FOXK2: variants seen among roughly 807,000 people sequenced by gnomAD.
The protein encoded by FOXK2 is forkhead box protein K2.
Under a neutral mutation model 53.3 loss-of-function variants are expected in FOXK2, and 24 were observed. The ratio of observed to expected loss-of-function variants is 0.45; its 90% CI spans 0.33 to 0.63. The LOEUF (loss-of-function observed/expected upper bound fraction) is 0.63, where lower values mean the gene tolerates loss of function less well. FOXK2 is among the 30% of genes least tolerant of loss of function. The pLI, the probability that FOXK2 is intolerant of heterozygous loss-of-function variation, is 0.03. For missense variants in FOXK2, 952 were observed against 910.5 expected (o/e 1.05, Z -0.59); for synonymous variants, 505 against 407.1 (o/e 1.24, Z -2.89).
At chr17:82,585,674 T>C (rs1306601712) in intron 6 of FOXK2, among the ~76,000 whole-genome samples, 1 of 152,144 alleles carries the variant, frequency 6.6e-6, no homozygotes, top group Non-Finnish European at 1.5e-5. Context: ...ACCAGATATC[T>C]AAATAGAGCC....
At chr17:82,582,997 G>T in intron 5 of FOXK2, 63 bp downstream of exon 5, 6 of 1,245,640 alleles carry the variant, frequency 4.8e-6, no homozygotes, top group Non-Finnish European at 6.4e-6. Flanking sequence ...TCAGTGTATT[G>T]GGAAAATTTC....
rs1340822400 is a variant in FOXK2 at position 82,602,226 on chromosome 17, T to C, written c.*727T>C. The C allele has an allele frequency of 1.3e-5, 2 of 152,180 alleles. No individual in the cohort carries two copies. The highest frequency in any genetic ancestry group is 6.5e-5 in the Admixed American group (1 of 15,274). 9.4% of individuals were successfully genotyped at this position (152,180 alleles called of 1,614,324 possible). On this transcript the variant is annotated 3_prime_UTR_variant, in exon 9 of 9. Coordinates refer to ENST00000335255, the MANE Select transcript of FOXK2 (RefSeq NM_004514.4). The stretch of plus-strand genomic sequence containing the variant: ...CAGGTGGACGGACGCTGTGGCCGCA[T>C]GGAACCTTGAGAACCCAGGGACGAG...
At position 82,602,759 on chromosome 17, in the gene FOXK2, G is replaced by C. The variant is rs1042267910; in HGVS notation, c.*1260G>C. ...GAGTGGGAGGTCCCTGCACCTCCTC[G>C]CCCGGCTCCTCAGGAAGAAAACCGC... On this transcript the variant is annotated 3_prime_UTR_variant, in exon 9 of 9. Coordinates refer to ENST00000335255, the MANE Select transcript of FOXK2 (RefSeq NM_004514.4). The C allele has an allele frequency of 1.3e-5, 2 of 152,256 alleles. No homozygotes were observed. Among genetic ancestry groups the C allele is most frequent in the African/African-American group, 4.8e-5 (2 of 41,474 alleles). The allele number at this position is 152,256 out of a possible 1,614,324, so 9.4% of individuals were successfully genotyped here.
rs551353926 is a variant in FOXK2, at chr17:82,552,482, C to T, written c.420-10872C>T. 5.3e-4 allele frequency among the ~76,000 whole-genome samples: 81 copies of T among 152,300 alleles called. 1 individual carries two copies. Among genetic ancestry groups the T allele is most frequent in the African/African-American group, 1.9e-3 (78 of 41,552 alleles). ...CGCTCCTGCCCTTCACTGATAGGCCCTGTGTCACACTGAACCCTCCTGTCG... is the reference window on the plus strand; with the variant it reads ...CGCTCCTGCCCTTCACTGATAGGCCTTGTGTCACACTGAACCCTCCTGTCG... On this transcript the variant is annotated intron_variant, in intron 1 of 8. Transcript: ENST00000335255.
In FOXK2 at chr17:82,584,305, A is replaced by T. The variant is rs920874649; in HGVS notation, c.1279+117A>T. On this transcript the variant is annotated intron_variant, in intron 6 of 8. Transcript: ENST00000335255. Reference sequence around the variant, plus strand: ...GCCTGCCTGTCCCTCTGTACCTTATACTAGTACCTGATTTTATAGGCCTTG... The same window carrying T: ...GCCTGCCTGTCCCTCTGTACCTTATTCTAGTACCTGATTTTATAGGCCTTG... 4.7e-6 allele frequency: 5 copies of T among 1,061,660 alleles called. No homozygotes were observed. The African/African-American group carries it at 4.8e-5, about 10-fold the overall frequency. The allele number at this position is 1,061,660 out of a possible 1,614,324, so 65.8% of individuals were successfully genotyped here.
chr17:82,593,131 G>T (rs1280392156), intron 8 of FOXK2, among the ~76,000 whole-genome samples: 2 of 150,732 alleles, frequency 1.3e-5, no homozygotes, highest in Non-Finnish European at 3.0e-5. Context: ...AGCAGACCCC[G>T]TGAAGGTCTC....
At chr17:82,562,455 C>T (rs753421944) in intron 1 of FOXK2, among the ~76,000 whole-genome samples, 1 of 152,108 alleles carries the variant, frequency 6.6e-6, no homozygotes, top group Non-Finnish European at 1.5e-5. Context: ...TAGTGCATGC[C>T]TGTAATCCCA....
intron 4 of FOXK2, among the ~76,000 whole-genome samples, chr17:82,579,423 GTT>G (rs1387126588): frequency 6.6e-5 from 10 of 152,184 alleles, no homozygotes; most frequent in African/African-American, 2.2e-4. Flanking sequence ...CCTATAAACA[GTT>G]TCACAAATCC....
intron 7 of FOXK2, 25 bp downstream of exon 7, chr17:82,586,225 G>A (rs758671501): frequency 4.3e-5 from 54 of 1,265,442 alleles, no homozygotes; most frequent in African/African-American, 4.7e-5. Flanking sequence ...AAGGAGGAGA[G>A]GGGAGACCAC....
chr17:82,596,141 G>A, intron 8 of FOXK2: 2 of 1,023,812 alleles, frequency 2.0e-6, no homozygotes, highest in Non-Finnish European at 2.3e-6. Flanking sequence ...CGATTGCAGG[G>A]AGGAGCATCT....
At chr17:82,590,890 A>G (rs1241544289) in intron 8 of FOXK2, among the ~76,000 whole-genome samples, 1 of 152,196 alleles carries the variant, frequency 6.6e-6, no homozygotes, top group African/African-American at 2.4e-5. Context: ...CAGGGGTACC[A>G]GAGGGCTCAG....
At chr17:82,601,215 T>G in intron 8 of FOXK2, 88 bp from the exon 9 acceptor site, 1 of 1,384,216 alleles carries the variant, frequency 7.2e-7, no homozygotes, top group South Asian at 1.3e-5. Flanking sequence ...GGGTTCTGAC[T>G]CGCGAGGGTT....
intron 1 of FOXK2, among the ~76,000 whole-genome samples, chr17:82,551,357 G>A (rs1257459805): frequency 6.6e-6 from 1 of 150,422 alleles, no homozygotes; most frequent in African/African-American, 2.4e-5. Flanking sequence ...AAACATGATG[G>A]CATGTCATGA....
chr17:82,548,097 T>C (rs2044644131), intron 1 of FOXK2, among the ~76,000 whole-genome samples: 1 of 152,222 alleles, frequency 6.6e-6, no homozygotes, highest in East Asian at 1.9e-4. Flanking sequence ...AACGTCTGTG[T>C]AGGAGTCACA....
At chr17:82,590,813 C>T (rs1159141995) in intron 8 of FOXK2, among the ~76,000 whole-genome samples, 9 of 152,322 alleles carry the variant, frequency 5.9e-5, no homozygotes, top group East Asian at 1.9e-4. Flanking sequence ...GCCGAGTTTT[C>T]TGACCCAAGC....
chr17:82,537,419 G>A (rs1362763886), intron 1 of FOXK2, among the ~76,000 whole-genome samples: 1 of 151,662 alleles, frequency 6.6e-6, no homozygotes, highest in Non-Finnish European at 1.5e-5. Flanking sequence ...AGGCTGAGGT[G>A]GGCGGATCAT....
chr17:82,597,040 C>T (rs150486864), intron 8 of FOXK2, among the ~76,000 whole-genome samples: 27 of 152,294 alleles, frequency 1.8e-4, no homozygotes, highest in African/African-American at 5.5e-4. Flanking sequence ...GTGAAGGCGG[C>T]GGCGCCTCTG....
intron 1 of FOXK2, among the ~76,000 whole-genome samples, chr17:82,559,146 G>A (rs904179343): frequency 2.0e-5 from 3 of 152,104 alleles, no homozygotes; most frequent in African/African-American, 4.8e-5. Context: ...CTCCTGCCTC[G>A]GCCTCCCAAA....
intron 2 of FOXK2, among the ~76,000 whole-genome samples, chr17:82,564,723 G>A (rs931408856): frequency 6.8e-6 from 1 of 147,616 alleles, no homozygotes; most frequent in African/African-American, 2.5e-5. Flanking sequence ...CTCACATAAT[G>A]TAGTCAAATG....
Sources: allele counts gnomAD v4.1 joint callset (sites outside exome capture counted in the v4.1 genomes callset), GRCh38; gene constraint gnomAD v4.1.1; transcripts MANE v1.5; gene names NCBI Gene and HGNC (gene_info 2026-07-23, HGNC 2026-07-21).